Variants in CNBD1 observed in about 807,000 individuals in gnomAD.
CNBD1 encodes the protein cyclic nucleotide-binding domain-containing protein 1.
In CNBD1, 71 loss-of-function variants were observed where a neutral mutation model predicts 54.4. That is an observed-to-expected ratio of 1.30 (90% CI 1.08 to 1.59). The LOEUF (loss-of-function observed/expected upper bound fraction) is 1.59. Among genes scored for constraint, CNBD1 ranks in the 40% most tolerant of loss-of-function variants. The probability of loss-of-function intolerance (pLI) is 0.00; values close to 1 mark genes in which losing one functional copy is unlikely to be tolerated. For missense variants in CNBD1, 659 were observed against 518.0 expected (o/e 1.27, Z -2.64); for synonymous variants, 182 against 170.7 (o/e 1.07, Z -0.51).
intron 4 of CNBD1, among the ~76,000 whole-genome samples, chr8:86,950,785 G>T (rs1216555151): frequency 6.6e-6 from 1 of 152,046 alleles, no homozygotes; most frequent in African/African-American, 2.4e-5. Flanking sequence ...TTTCTTTACT[G>T]GGAGACTTTT....
At chr8:87,159,481 C>G (rs1010912459) in intron 4 of CNBD1, among the ~76,000 whole-genome samples, 1 of 151,996 alleles carries the variant, frequency 6.6e-6, no homozygotes, top group African/African-American at 2.4e-5. Context: ...GCTCCTTTGT[C>G]TTGGAGGGCT....
chr8:86,894,872 GAAAAT>G (rs745620836), intron 2 of CNBD1, among the ~76,000 whole-genome samples: 1 of 152,014 alleles, frequency 6.6e-6, no homozygotes, highest in Non-Finnish European at 1.5e-5. Flanking sequence ...AATTTATAAA[GAAAAT>G]AAATTTATTT....
chr8:87,264,965 A>G (rs958144599), intron 6 of CNBD1, among the ~76,000 whole-genome samples: 1 of 151,976 alleles, frequency 6.6e-6, no homozygotes, highest in Non-Finnish European at 1.5e-5. Context: ...GTTCACTCTG[A>G]TGGTAGTTTC....
At chr8:87,367,529 A>T (rs1002073123) in intron 10 of CNBD1, among the ~76,000 whole-genome samples, 1 of 151,888 alleles carries the variant, frequency 6.6e-6, no homozygotes, top group African/African-American at 2.4e-5. Flanking sequence ...GCTTCTCCAC[A>T]TCTATTAAAA....
intron 6 of CNBD1, among the ~76,000 whole-genome samples, chr8:87,248,914 A>G (rs968292143): frequency 2.6e-5 from 4 of 152,178 alleles, no homozygotes; most frequent in African/African-American, 9.7e-5. Flanking sequence ...AGGGCCACGT[A>G]TGGACTAAAC....
At chr8:87,019,800 C>A (rs538760198) in intron 4 of CNBD1, among the ~76,000 whole-genome samples, 27 of 152,226 alleles carry the variant, frequency 1.8e-4, no homozygotes, top group African/African-American at 5.3e-4. Context: ...ATCGCTTGAA[C>A]CCAGGAGGCA....
At chr8:86,939,019 C>T (rs1044431956) in intron 3 of CNBD1, among the ~76,000 whole-genome samples, 2 of 151,994 alleles carry the variant, frequency 1.3e-5, no homozygotes, top group Non-Finnish European at 2.9e-5. Flanking sequence ...TATTTCTCGC[C>T]TATGAGTTTT....
chr8:87,266,196 C>T (rs958010901), intron 6 of CNBD1, among the ~76,000 whole-genome samples: 17 of 151,416 alleles, frequency 1.1e-4, no homozygotes, highest in African/African-American at 2.7e-4. Context: ...AAAAAAAAAT[C>T]CAAACAGGTT....
At chr8:87,272,395 T>C (rs1808386555) in intron 6 of CNBD1, among the ~76,000 whole-genome samples, 1 of 152,008 alleles carries the variant, frequency 6.6e-6, no homozygotes, top group African/African-American at 2.4e-5. Flanking sequence ...TTTTAAATTA[T>C]TTTCACATTG....
chr8:87,339,334 G>C (rs977122760), intron 8 of CNBD1, among the ~76,000 whole-genome samples: 2 of 136,928 alleles, frequency 1.5e-5, no homozygotes, highest in African/African-American at 5.0e-5. Flanking sequence ...CCCACACCAA[G>C]CTCCAACAAT....
chr8:87,247,611 G>A (rs1305010830), intron 6 of CNBD1, among the ~76,000 whole-genome samples: 2 of 138,636 alleles, frequency 1.4e-5, no homozygotes, highest in East Asian at 2.0e-4. Context: ...GAAATATGCT[G>A]CCAGGGGTGA....
At chr8:87,417,278 C>T (rs1449364747) in intron 2 of CNBD1, among the ~76,000 whole-genome samples, 1 of 151,810 alleles carries the variant, frequency 6.6e-6, no homozygotes, top group African/African-American at 2.4e-5. Flanking sequence ...CTCATGAGGC[C>T]TATTCACTAT....
chr8:87,348,436 A>G lies in CNBD1; in HGVS notation c.1043-3249A>G, dbSNP rs1810217614. ...TTTAAAGCAAACTATATATATTTGG[A>G]AGGAGAATATATTCAGAAAACATTC... On this transcript the variant is annotated intron_variant, in intron 8 of 10. Transcript: ENST00000518476. Among the ~76,000 whole-genome samples the G allele has an allele frequency of 2.6e-5, 4 of 152,304 alleles. No individual in the cohort carries two copies. In the Middle Eastern group the frequency reaches 0.01, roughly 389 times the overall value.
chr8:86,930,467 A>G (rs1334951287), intron 3 of CNBD1, among the ~76,000 whole-genome samples: 1 of 152,170 alleles, frequency 6.6e-6, no homozygotes, highest in Admixed American at 6.5e-5. Context: ...GGGCCAGTGC[A>G]TGACCAAACA....
intron 6 of CNBD1, among the ~76,000 whole-genome samples, chr8:87,276,036 T>A (rs1410225811): frequency 1.3e-5 from 2 of 151,804 alleles, no homozygotes; most frequent in Non-Finnish European, 2.9e-5. Context: ...AAATAAATTT[T>A]AAAAATGATA....
intron 3 of CNBD1, among the ~76,000 whole-genome samples, chr8:86,917,525 A>G (rs1277218724): frequency 6.6e-6 from 1 of 152,156 alleles, no homozygotes; most frequent in Non-Finnish European, 1.5e-5. Context: ...AGAATTTCCC[A>G]TGAACACTGG....
At chr8:87,218,859 T>C (rs888184903) in intron 5 of CNBD1, among the ~76,000 whole-genome samples, 1 of 151,992 alleles carries the variant, frequency 6.6e-6, no homozygotes, top group Non-Finnish European at 1.5e-5. Flanking sequence ...ATTCTTGCCT[T>C]CATCAGTTTT....
chr8:87,414,126 T>G (rs575822726), intron 2 of CNBD1, among the ~76,000 whole-genome samples: 81 of 152,164 alleles, frequency 5.3e-4, no homozygotes, highest in African/African-American at 1.9e-3. Flanking sequence ...CCAACCCAAA[T>G]GTCCAACAAT....
chr8:87,395,380 G>T (rs989215705), intron 2 of CNBD1, among the ~76,000 whole-genome samples: 5 of 151,896 alleles, frequency 3.3e-5, no homozygotes, highest in Non-Finnish European at 7.4e-5. Context: ...AGAGGGAAGG[G>T]AACAATATTT....
Sources: gnomAD v4.1 joint callset for allele counts (sites outside exome capture counted in the v4.1 genomes callset) on GRCh38, gnomAD v4.1.1 for gene constraint, MANE v1.5 for transcripts, NCBI Gene and HGNC (gene_info 2026-07-23, HGNC 2026-07-21) for gene names.